C22orf31: variants seen among roughly 807,000 people sequenced by gnomAD.
The protein encoded by C22orf31 is chromosome 22 open reading frame 31.
C22orf31 carries 11 observed loss-of-function variants against 15.0 expected under a neutral mutation model. The ratio of observed to expected loss-of-function variants is 0.73; its 90% CI spans 0.46 to 1.21. The LOEUF is 1.21. Ranked by LOEUF, C22orf31 falls within the 50% of genes most tolerant of loss-of-function variation. The pLI, the probability that C22orf31 is intolerant of heterozygous loss-of-function variation, is 0.00. For synonymous variants in C22orf31, 132 were observed against 133.3 expected (o/e 0.99, Z 0.07); for missense variants, 340 against 347.2 (o/e 0.98, Z 0.17).
In C22orf31 at chr22:29,058,980, C is replaced by T; in HGVS notation, c.635G>A (p.Gly212Asp). 6.2e-7 allele frequency: 1 copy of T among 1,614,132 alleles called. No individual in the cohort carries two copies. The highest frequency in any genetic ancestry group is 8.5e-7 in the Non-Finnish European group (1 of 1,179,966). ...TLTIHGLPTE[G>D]YQALYHAVVE... ...CACAGCGTGGTACAGAGCCTGGTAA[C>T]CCTCTGTGGGGAGACCATGGATGGT... Residue 212 changes from glycine (G) to aspartate (D), a missense_variant, in exon 3 of 3, where the codon GGT (glycine) becomes GAT (aspartate). By Grantham distance (94) the Gly-to-Asp change is moderately conservative. Coordinates refer to ENST00000216071, the MANE Select transcript of C22orf31 (RefSeq NM_015370.2).
chr22:29,061,878 T>A, upstream of C22orf31: 1 of 1,127,388 alleles, frequency 8.9e-7, no homozygotes, highest in Non-Finnish European at 1.3e-6. Context: ...CTCTCTCTCT[T>A]TTTTTTTGTT....
the C22orf31 span, among the ~76,000 whole-genome samples, chr22:29,068,960 C>T: frequency 4.0e-5 from 6 of 151,856 alleles, no homozygotes; most frequent in Admixed American, 3.9e-4. Flanking sequence ...GATGGGGTTT[C>T]ACTATGTTGG....
intron 2 of C22orf31, chr22:29,060,008 CT>C (rs924999943): frequency 4.1e-5 from 27 of 656,410 alleles, no homozygotes; most frequent in East Asian, 2.9e-4. Flanking sequence ...TGGTATAGAT[CT>C]TTTTTTCTTT....
chr22:29,058,840 C>T lies in C22orf31; in HGVS notation c.775G>A (p.Glu259Lys). 6.2e-7 allele frequency: 1 copy of T among 1,614,240 alleles called. No individual in the cohort carries two copies. Among genetic ancestry groups the T allele is most frequent in the East Asian group, 2.2e-5 (1 of 44,884 alleles). ...GGGAACCGGTCCCTCTGAGCACCTTCAGAGATGGCACCCTGACTGCAAAGA... is the reference window on the plus strand; with the variant it reads ...GGGAACCGGTCCCTCTGAGCACCTTTAGAGATGGCACCCTGACTGCAAAGA... ...EALCSQGAIS[E>K]GAQRDRFPGR... Residue 259 changes from glutamate to lysine, a missense_variant, in exon 3 of 3, where the codon GAA (glutamate) becomes AAA (lysine). By Grantham distance (56) the Glu-to-Lys change is moderately conservative. Transcript: ENST00000216071.
chr22:29,069,359 A>T, the C22orf31 span, among the ~76,000 whole-genome samples: 1 of 152,150 alleles, frequency 6.6e-6, no homozygotes, highest in African/African-American at 2.4e-5. Context: ...AGCAGAAATC[A>T]TCCCAACTGG....
At position 29,060,002 on chromosome 22, in the gene C22orf31, A is replaced by G. The variant is rs2037366789; in HGVS notation, c.432+413T>C. The stretch of plus-strand genomic sequence containing the variant: ...AACTTTAGGATTTCCTTCACTTGGT[A>G]TAGATCTTTTTTTCTTTTCTTTTTT... On this transcript the variant is annotated intron_variant, in intron 2 of 2. Coordinates refer to ENST00000216071, the MANE Select transcript of C22orf31 (RefSeq NM_015370.2). 4.9e-6 allele frequency: 4 copies of G among 820,004 alleles called. No homozygotes were observed. In the South Asian group the frequency reaches 1.7e-4, roughly 34 times the overall value. The allele number at this position is 820,004 out of a possible 1,614,324, so 50.8% of individuals were successfully genotyped here. A position where few individuals can be genotyped will look rare whatever the true frequency, so the allele number is the denominator to read the frequency against.
chr22:29,059,220 T>G (rs2037355606), intron 2 of C22orf31, 38 bp from the exon 3 acceptor site: 1 of 1,432,922 alleles, frequency 7.0e-7, no homozygotes, highest in African/African-American at 1.4e-5. Flanking sequence ...AAGCTAAAAC[T>G]TGAGAGGGGA....
At chr22:29,073,254 C>T in the C22orf31 span, 29 of 1,054,730 alleles carry the variant, frequency 2.7e-5, no homozygotes, top group Non-Finnish European at 3.2e-5. This position sits in a 1 kb window ranked among gnomAD's most constrained non-coding sequence, Gnocchi z 4.4. Flanking sequence ...CCCCGCCGCC[C>T]GCCCTGAGCG....
At chr22:29,059,645 A>G (rs1882313121) in intron 2 of C22orf31, 4 of 978,180 alleles carry the variant, frequency 4.1e-6, no homozygotes, top group African/African-American at 3.5e-5. Context: ...TTGGGATTTG[A>G]ACCCTGATGG....
chr22:29,060,482 C>A lies in C22orf31; in HGVS notation c.365G>T (p.Arg122Ile). ...VMKATQQARK[R>I]NFISSKSKQP... ...CTTGCTCTTGGAACTGATGAAGTTT[C>A]TTTTCCTGGCCTGCTGGGTGGCTTT... The change falls in exon 2 of 3, where the codon AGA becomes ATA. Residue 122 changes from arginine (R) to isoleucine (I), a missense_variant. Physicochemically the swap from Arg to Ile is moderately conservative, Grantham distance 97. Transcript: ENST00000216071. 1.2e-6 allele frequency: 2 copies of A among 1,614,088 alleles called. No homozygotes were observed. Among genetic ancestry groups the A allele is most frequent in the Non-Finnish European group, 1.7e-6 (2 of 1,180,034 alleles).
the C22orf31 span, among the ~76,000 whole-genome samples, chr22:29,071,707 G>A: frequency 2.1e-4 from 32 of 152,320 alleles, no homozygotes; most frequent in Middle Eastern, 3.4e-3. Flanking sequence ...GGGAGGGCGG[G>A]GGAGGAGGAC....
At chr22:29,073,151 C>T in the C22orf31 span, 2 of 1,131,026 alleles carry the variant, frequency 1.8e-6, no homozygotes, top group Non-Finnish European at 2.2e-6. This position sits in a 1 kb window ranked among gnomAD's most constrained non-coding sequence, Gnocchi z 4.4. Context: ...CAGCCGCCCG[C>T]CTCGCCCTGC....
the C22orf31 span, among the ~76,000 whole-genome samples, chr22:29,068,551 C>T: frequency 6.6e-6 from 1 of 151,476 alleles, no homozygotes; most frequent in South Asian, 2.1e-4. Context: ...GCTGGGACTA[C>T]AGGCACCTGC....
Position 29,060,372 on chromosome 22 carries a change from C to A in C22orf31, c.432+43G>T, listed in dbSNP as rs6005976. On this transcript the variant is annotated intron_variant, in intron 2 of 2. Transcript: ENST00000216071. ...TGTTCTCTGGCTTTACCTTTTCCCT[C>A]CCCTCGCCAGTCACATTTTCCCCAC... is the stretch of plus-strand genomic sequence containing the variant. 3 of 1,538,364 alleles carry A rather than the reference C, an allele frequency of 2.0e-6. No individual in the cohort carries two copies. In the Admixed American group the frequency reaches 5.4e-5, roughly 28 times the overall value.
At chr22:29,060,118 A>G (rs1332185434) in intron 2 of C22orf31, 25 of 341,578 alleles carry the variant, frequency 7.3e-5, no homozygotes, top group Non-Finnish European at 9.7e-5. Flanking sequence ...TGCAGCCTCA[A>G]CCTCCTGGGT....
the C22orf31 span, among the ~76,000 whole-genome samples, chr22:29,068,690 G>C: frequency 6.6e-6 from 1 of 150,928 alleles, no homozygotes; most frequent in African/African-American, 2.4e-5. Flanking sequence ...GATTACAGGC[G>C]TAAGCCACCG....
the C22orf31 span, chr22:29,073,181 G>A: frequency 8.5e-7 from 1 of 1,179,654 alleles, no homozygotes; most frequent in Non-Finnish European, 1.0e-6. This position sits in a 1 kb window ranked among gnomAD's most constrained non-coding sequence, Gnocchi z 4.4. Context: ...CGGCGCTCAC[G>A]CTGGCGGCCC....
At chr22:29,063,864 CTTGTTT>C (rs1009100012), upstream of C22orf31, among the ~76,000 whole-genome samples, 1 of 152,078 alleles carries the variant, frequency 6.6e-6, no homozygotes, top group African/African-American at 2.4e-5. Flanking sequence ...CTATACTGCC[CTTGTTT>C]TTGTTTTTGT....
chr22:29,068,752 C>A, the C22orf31 span, among the ~76,000 whole-genome samples: 335 of 135,566 alleles, frequency 2.5e-3, 2 homozygotes, highest in African/African-American at 9.2e-3. Context: ...GGTGGCTCAA[C>A]CTGGTACTTT....
Sources: gnomAD v4.1 joint callset for allele counts (sites outside exome capture counted in the v4.1 genomes callset) on GRCh38, gnomAD v4.1.1 for gene constraint, Gnocchi (gnomAD v3.1) non-coding constraint, MANE v1.5 for transcripts, NCBI Gene and HGNC (gene_info 2026-07-23, HGNC 2026-07-21) for gene names.